The following TMEM39A variants were observed in gnomAD, a reference collection of about 807,000 sequenced individuals.
TMEM39A encodes the protein suppressor of SQST-1 aggregates in rpl-43 mutants.
In TMEM39A, 19 loss-of-function variants were observed where a neutral mutation model predicts 51.9. The observed-to-expected ratio is 0.37, with a 90% CI of 0.26 to 0.54. TMEM39A has a LOEUF of 0.54. Ranked by LOEUF, TMEM39A falls within the 20% of genes least tolerant of loss-of-function variation. The pLI is 0.88. For missense variants in TMEM39A, 433 were observed against 590.5 expected (o/e 0.73, Z 2.76); for synonymous variants, 197 against 220.2 (o/e 0.89, Z 0.93).
rs148312508 is a variant in TMEM39A, at chr3:119,451,983, G to A, written c.420+464C>T. Among the ~76,000 whole-genome samples the A allele has an allele frequency of 5.7e-3, 865 of 151,948 alleles. 8 individuals carry two copies. Among genetic ancestry groups the A allele is most frequent in the African/African-American group, 0.02 (819 of 41,392 alleles). On this transcript the variant is annotated intron_variant, in intron 4 of 8. Transcript: ENST00000319172. The stretch of plus-strand genomic sequence containing the variant: ...TCTAATCTTCAGATTAATCCTATAC[G>A]AATTCTGATACTCACTGGTTTTTAA...
chr3:119,463,043 C>T (rs150203960), intron 1 of TMEM39A, among the ~76,000 whole-genome samples: 1 of 152,334 alleles, frequency 6.6e-6, no homozygotes, highest in East Asian at 1.9e-4. Flanking sequence ...TTCCTAACAG[C>T]CTTCGGCTGT....
chr3:119,445,640 C>T (rs1286788682), intron 5 of TMEM39A, among the ~76,000 whole-genome samples: 1 of 152,162 alleles, frequency 6.6e-6, no homozygotes, highest in Non-Finnish European at 1.5e-5. Flanking sequence ...GTTAATGATA[C>T]ACACATGCTG....
chr3:119,462,907 A>G (rs2081358437), intron 1 of TMEM39A, among the ~76,000 whole-genome samples: 1 of 150,890 alleles, frequency 6.6e-6, no homozygotes, highest in Admixed American at 6.6e-5. Flanking sequence ...AAAAAAAAAA[A>G]GCTCTTTTCA....
chr3:119,462,645 G>GC (rs1577069693), intron 1 of TMEM39A, among the ~76,000 whole-genome samples: 8 of 54,882 alleles, frequency 1.5e-4, no homozygotes, highest in Non-Finnish European at 2.8e-4. Flanking sequence ...GGGGGGGGGC[G>GC]GGGGGGGGGA....
chr3:119,463,468 C>A lies in TMEM39A; in HGVS notation c.-207G>T. On this transcript the variant is annotated 5_prime_UTR_variant, in exon 1 of 9. Transcript: ENST00000319172. ...ACCAGCTGCTTGGACGCAGGCAGCC[C>A]CCGCCTAGAGAATCAAGAAAAGGTG... 1 of 397,710 alleles carries A rather than the reference C, an allele frequency of 2.5e-6. No homozygotes were observed. Among genetic ancestry groups the A allele is most frequent in the East Asian group, 3.6e-5 (1 of 28,040 alleles). The allele number at this position is 397,710 out of a possible 1,614,324, so 24.6% of individuals were successfully genotyped here.
chr3:119,443,931 T>TAA (rs1017275456), intron 5 of TMEM39A, among the ~76,000 whole-genome samples: 24 of 151,574 alleles, frequency 1.6e-4, no homozygotes, highest in African/African-American at 5.8e-4. Flanking sequence ...TAAAATAAAA[T>TAA]AAAATAGACT....
intron 6 of TMEM39A, among the ~76,000 whole-genome samples, chr3:119,437,387 T>A (rs1482043637): frequency 6.6e-6 from 1 of 152,040 alleles, no homozygotes; most frequent in Non-Finnish European, 1.5e-5. Flanking sequence ...TAGATTAAAT[T>A]CAAGGAAACT....
Position 119,447,088 on chromosome 3 carries a change from C to T in TMEM39A, c.505G>A (p.Val169Ile), listed in dbSNP as rs535410178. ...RLVLLTLCGW[V>I]LCWTLVNLFR... ...AGATTGACGAGGGTCCAACAAAGTACCCATCCACACAAAGTGAGTAGTACC... is the reference window on the plus strand; with the variant it reads ...AGATTGACGAGGGTCCAACAAAGTATCCATCCACACAAAGTGAGTAGTACC... The change falls in exon 5 of 9, where the codon GTA becomes ATA. Residue 169 changes from valine (V) to isoleucine (I), a missense_variant. Physicochemically the swap from Val to Ile is conservative, Grantham distance 29 (BLOSUM62 3). This residue lies in a region of TMEM39A where 170 missense variants were observed against 239.8 expected (regional missense o/e 0.71). Coordinates refer to ENST00000319172, the MANE Select transcript of TMEM39A (RefSeq NM_018266.3). 3.1e-6 allele frequency: 5 copies of T among 1,614,136 alleles called. No homozygotes were observed. In the African/African-American group the frequency reaches 6.7e-5, roughly 22 times the overall value.
chr3:119,458,113 T>C lies in TMEM39A; in HGVS notation c.241A>G (p.Ile81Val), dbSNP rs2081289946. ...ATGAAAAGAGCAACCAACAGGTAGA[T>C]GAAAAAAAGGAATTCAAAGAGTAGG... is the stretch of plus-strand genomic sequence containing the variant. ...GSLLFEFLFF[I>V]YLLVALFIQY... The change falls in exon 3 of 9, where the codon ATC (isoleucine) becomes GTC (valine). Residue 81 changes from isoleucine to valine, a missense_variant. Coordinates refer to ENST00000319172, the MANE Select transcript of TMEM39A (RefSeq NM_018266.3). 4 of 1,613,986 alleles carry C rather than the reference T, an allele frequency of 2.5e-6. No homozygotes were observed. The highest frequency in any genetic ancestry group is 3.4e-6 in the Non-Finnish European group (4 of 1,179,984).
intron 3 of TMEM39A, among the ~76,000 whole-genome samples, 199 bp from the exon 4 acceptor site, chr3:119,452,729 A>G (rs546537921): frequency 6.6e-6 from 1 of 152,346 alleles, no homozygotes; most frequent in Non-Finnish European, 1.5e-5. Flanking sequence ...TAAGTTTTTA[A>G]ACACTATTTT....
chr3:119,444,901 C>A (rs1452066516), intron 5 of TMEM39A, among the ~76,000 whole-genome samples: 1 of 152,100 alleles, frequency 6.6e-6, no homozygotes, highest in African/African-American at 2.4e-5. Flanking sequence ...TGGTAAAATC[C>A]TGTCTCTACA....
In TMEM39A at chr3:119,429,494, A is replaced by G. The variant is rs958495482; in HGVS notation, c.*2487T>C. 1 of 152,178 alleles carries G rather than the reference A, an allele frequency of 6.6e-6. No individual in the cohort carries two copies. The highest frequency in any genetic ancestry group is 1.5e-5 in the Non-Finnish European group (1 of 68,028). 9.4% of individuals were successfully genotyped at this position (152,178 alleles called of 1,614,324 possible). A position where few individuals can be genotyped will look rare whatever the true frequency, so the allele number is the denominator to read the frequency against. On this transcript the variant is annotated 3_prime_UTR_variant, in exon 9 of 9. Transcript: ENST00000319172. The stretch of plus-strand genomic sequence containing the variant: ...CCACAAACAATTTTAACTTGCCAAC[A>G]AAGAATTACAAAAAAGGTCATTCTT...
intron 5 of TMEM39A, among the ~76,000 whole-genome samples, chr3:119,445,064 AG>A (rs1248165877): frequency 4.6e-5 from 7 of 151,740 alleles, no homozygotes; most frequent in South Asian, 2.1e-4. Context: ...TGGATGACAG[AG>A]CAAAACCCTG....
chr3:119,437,630 G>T, intron 6 of TMEM39A, 125 bp downstream of exon 6: 1 of 734,694 alleles, frequency 1.4e-6, no homozygotes, highest in Non-Finnish European at 2.2e-6. Context: ...TCCAGATGCA[G>T]CCGAACTCCA....
intron 3 of TMEM39A, among the ~76,000 whole-genome samples, chr3:119,454,697 G>A (rs959550708): frequency 6.6e-6 from 1 of 152,114 alleles, no homozygotes; most frequent in Non-Finnish European, 1.5e-5. Context: ...GGCTGAGGCA[G>A]GAGAATCGCT....
rs2080950785 is a variant in TMEM39A, at chr3:119,435,091, T to C, written c.1113-209A>G. The C allele has an allele frequency of 8.1e-6, 8 of 982,834 alleles. No individual in the cohort carries two copies. The South Asian group carries it at 3.8e-4, about 46-fold the overall frequency. The allele number at this position is 982,834 out of a possible 1,614,324, so 60.9% of individuals were successfully genotyped here. A position where few individuals can be genotyped will look rare whatever the true frequency, so the allele number is the denominator to read the frequency against. The stretch of plus-strand genomic sequence containing the variant: ...TTCATTGCTATATAGTAAACAGAGG[T>C]TGCAAAGAAATATAGTTAACTCAGT... On this transcript the variant is annotated intron_variant, in intron 7 of 8. Coordinates refer to ENST00000319172, the MANE Select transcript of TMEM39A (RefSeq NM_018266.3).
chr3:119,438,749 T>C (rs2081009838), intron 5 of TMEM39A, among the ~76,000 whole-genome samples: 1 of 152,212 alleles, frequency 6.6e-6, no homozygotes, highest in African/African-American at 2.4e-5. Context: ...GCTTGTTCTT[T>C]ACTTCAAATG....
chr3:119,462,960 A>C (rs1278239161), intron 1 of TMEM39A, among the ~76,000 whole-genome samples: 5 of 151,794 alleles, frequency 3.3e-5, no homozygotes, highest in Non-Finnish European at 5.9e-5. Flanking sequence ...CATGGATACC[A>C]ATGTTTCCTA....
intron 7 of TMEM39A, chr3:119,435,640 T>C (rs2080959066): frequency 1.0e-6 from 1 of 983,458 alleles, no homozygotes. Context: ...GTTAGTTTCC[T>C]AGGATAAGAA....
Sources: allele counts gnomAD v4.1 joint callset (sites outside exome capture counted in the v4.1 genomes callset), GRCh38; gene constraint gnomAD v4.1.1; regional missense constraint gnomAD v4.1.1; transcripts MANE v1.5; gene names NCBI Gene and HGNC (gene_info 2026-07-23, HGNC 2026-07-21).